Variants in KLHL29 observed in about 807,000 individuals in gnomAD.
KLHL29 encodes kelch-like protein 29.
KLHL29 carries 21 observed loss-of-function variants against 80.4 expected under a neutral mutation model. The ratio of observed to expected loss-of-function variants is 0.26; its 90% CI spans 0.19 to 0.38. The LOEUF is 0.38. Among genes scored for constraint, KLHL29 ranks in the 10% least tolerant of loss-of-function variants. The probability of loss-of-function intolerance (pLI) is 1.00; values close to 1 mark genes in which losing one functional copy is unlikely to be tolerated. For synonymous variants in KLHL29, 511 were observed against 526.8 expected (o/e 0.97, Z 0.41); for missense variants, 867 against 1,223.9 (o/e 0.71, Z 4.35).
At chr2:23,402,128 C>G (rs936402715) in intron 1 of KLHL29, among the ~76,000 whole-genome samples, 2 of 152,238 alleles carry the variant, frequency 1.3e-5, no homozygotes, top group South Asian at 4.1e-4. Flanking sequence ...GCAGCCCAGA[C>G]GTGGGAAGAG....
intron 3 of KLHL29, among the ~76,000 whole-genome samples, chr2:23,620,634 G>C (rs539075681): frequency 3.3e-5 from 5 of 152,312 alleles, no homozygotes; most frequent in Admixed American, 1.3e-4. Flanking sequence ...GGGACACACA[G>C]AGTGTGAAGT....
At chr2:23,575,448 G>T (rs1339755606) in intron 3 of KLHL29, among the ~76,000 whole-genome samples, 1 of 152,114 alleles carries the variant, frequency 6.6e-6, no homozygotes, top group East Asian at 1.9e-4. Context: ...GTGTCCTTGG[G>T]GTTGCTGCCA....
chr2:23,552,047 G>A (rs547785080), intron 2 of KLHL29, among the ~76,000 whole-genome samples: 3 of 152,258 alleles, frequency 2.0e-5, no homozygotes, highest in Non-Finnish European at 4.4e-5. Context: ...AAAGAACCTT[G>A]TGTGGTTAGG....
At chr2:23,544,730 G>C (rs1408609801) in intron 2 of KLHL29, among the ~76,000 whole-genome samples, 1 of 152,192 alleles carries the variant, frequency 6.6e-6, no homozygotes, top group Non-Finnish European at 1.5e-5. Flanking sequence ...TGGCCGTGTG[G>C]ATAGTGGGGA....
intron 1 of KLHL29, among the ~76,000 whole-genome samples, chr2:23,423,973 C>G (rs1366266380): frequency 6.6e-6 from 1 of 151,844 alleles, no homozygotes; most frequent in Non-Finnish European, 1.5e-5. Flanking sequence ...AGCATCCGCT[C>G]TCTCTCCCTT....
chr2:23,669,944 CAG>C lies in KLHL29; in HGVS notation c.941-14450_941-14449del, dbSNP rs1670664202. On this transcript the variant is annotated intron_variant, in intron 5 of 13. Coordinates refer to ENST00000486442, the MANE Select transcript of KLHL29 (RefSeq NM_052920.2). This position sits in a 1 kb window ranked among gnomAD's most constrained non-coding sequence, Gnocchi z 4.3. ...AAATACATGTGGGTAGGGACCCAAG[CAG>C]AGAGGGGTGTCAGTAAAGCCAGAAG... is the stretch of plus-strand genomic sequence containing the variant. Among the ~76,000 whole-genome samples, 1 of 152,064 alleles carries C rather than the reference CAG, an allele frequency of 6.6e-6. No homozygotes were observed. The highest frequency in any genetic ancestry group is 1.5e-5 in the Non-Finnish European group (1 of 68,018).
chr2:23,398,992 C>G (rs1411148789), intron 1 of KLHL29, among the ~76,000 whole-genome samples: 2 of 152,180 alleles, frequency 1.3e-5, no homozygotes, highest in East Asian at 1.9e-4. Flanking sequence ...GGTTGGATGG[C>G]AAGCATGTAG....
intron 11 of KLHL29, chr2:23,697,897 A>G (rs1672072421): frequency 6.6e-6 from 1 of 152,212 alleles, no homozygotes; most frequent in Non-Finnish European, 1.5e-5. Flanking sequence ...CAAACACATG[A>G]AAAATGAGAC....
intron 3 of KLHL29, among the ~76,000 whole-genome samples, chr2:23,572,699 T>TA (rs1667743225): frequency 6.7e-6 from 1 of 149,496 alleles, no homozygotes; most frequent in African/African-American, 2.5e-5. Context: ...AACAGTGATT[T>TA]CTTTTTTTTT....
At chr2:23,670,112 G>A (rs985136699) in intron 5 of KLHL29, 2 of 125,270 alleles carry the variant, frequency 1.6e-5, no homozygotes, top group African/African-American at 3.0e-5. Flanking sequence ...GTCACGTGGA[G>A]CCCAGTGAGT....
chr2:23,706,882 T>G lies in KLHL29; in HGVS notation c.*218T>G. The G allele has an allele frequency of 2.1e-6, 1 of 471,406 alleles. No homozygotes were observed. The highest frequency in any genetic ancestry group is 3.7e-6 in the Non-Finnish European group (1 of 270,616). The allele number at this position is 471,406 out of a possible 1,614,324, so 29.2% of individuals were successfully genotyped here. ...GCGCTTGGAGCCGCAGGAACCACGATCCCGCCATGGGGCTGGCTGCCTCCT... is the reference window on the plus strand; with the variant it reads ...GCGCTTGGAGCCGCAGGAACCACGAGCCCGCCATGGGGCTGGCTGCCTCCT... On this transcript the variant is annotated 3_prime_UTR_variant, in exon 14 of 14. Transcript: ENST00000486442.
chr2:23,603,279 A>G (rs1347309443), intron 3 of KLHL29, among the ~76,000 whole-genome samples: 2 of 152,206 alleles, frequency 1.3e-5, no homozygotes, highest in Non-Finnish European at 2.9e-5. Context: ...GCCTCAATCC[A>G]GAAACCCCGT....
chr2:23,621,159 T>C (rs963243778), intron 3 of KLHL29, among the ~76,000 whole-genome samples: 4 of 152,202 alleles, frequency 2.6e-5, no homozygotes, highest in Admixed American at 1.3e-4. Context: ...GTCCAGTCTA[T>C]GGGGCCCAGT....
At chr2:23,640,875 GCT>G (rs1669750425) in intron 4 of KLHL29, among the ~76,000 whole-genome samples, 3 of 152,158 alleles carry the variant, frequency 2.0e-5, no homozygotes, top group Non-Finnish European at 4.4e-5. Context: ...CCAGCTGGTG[GCT>G]CTCCCTTGGA....
chr2:23,402,791 G>C (rs1666625114), intron 1 of KLHL29, among the ~76,000 whole-genome samples: 1 of 152,128 alleles, frequency 6.6e-6, no homozygotes. Context: ...TTATTTGAGA[G>C]AATAGTTTTT....
At chr2:23,629,241 C>T (rs1283777024) in intron 3 of KLHL29, among the ~76,000 whole-genome samples, 2 of 151,652 alleles carry the variant, frequency 1.3e-5, no homozygotes, top group Non-Finnish European at 2.9e-5. Flanking sequence ...GGCTCCCGCA[C>T]ATCACAGGCA....
chr2:23,637,364 A>G (rs987440153), intron 3 of KLHL29, among the ~76,000 whole-genome samples: 1 of 152,130 alleles, frequency 6.6e-6, no homozygotes, highest in African/African-American at 2.4e-5. Context: ...CCCTAAGACT[A>G]TTAGTGAGTG....
intron 5 of KLHL29, among the ~76,000 whole-genome samples, chr2:23,673,365 C>T (rs1027076695): frequency 1.3e-5 from 2 of 151,780 alleles, no homozygotes; most frequent in African/African-American, 4.8e-5. Flanking sequence ...GACACATACA[C>T]AGGGTGCATG....
intron 5 of KLHL29, among the ~76,000 whole-genome samples, chr2:23,675,775 G>A (rs1377773160): frequency 1.3e-5 from 2 of 152,192 alleles, no homozygotes; most frequent in Non-Finnish European, 2.9e-5. Context: ...CAGGGTTATC[G>A]CCGTTATTAG....
Sources: gnomAD v4.1 joint callset for allele counts (sites outside exome capture counted in the v4.1 genomes callset) on GRCh38, gnomAD v4.1.1 for gene constraint, Gnocchi (gnomAD v3.1) non-coding constraint, MANE v1.5 for transcripts, NCBI Gene and HGNC (gene_info 2026-07-23, HGNC 2026-07-21) for gene names.